Variants in RNLS observed in about 807,000 individuals in gnomAD.
RNLS encodes the protein renalase, FAD dependent amine oxidase.
In RNLS, 39 loss-of-function variants were observed where a neutral mutation model predicts 39.8. The ratio of observed to expected loss-of-function variants is 0.98; its 90% confidence interval spans 0.76 to 1.28. The LOEUF (loss-of-function observed/expected upper bound fraction) is 1.28. RNLS is among the 50% of genes most tolerant of loss of function. The probability of loss-of-function intolerance (pLI) is 0.00; values close to 1 mark genes in which losing one functional copy is unlikely to be tolerated. For missense variants in RNLS, 410 were observed against 413.3 expected (o/e 0.99, Z 0.07); for synonymous variants, 147 against 150.7 (o/e 0.98, Z 0.18).
the RNLS span, among the ~76,000 whole-genome samples, chr10:88,251,673 C>T: frequency 4.6e-5 from 7 of 152,328 alleles, no homozygotes; most frequent in South Asian, 1.2e-3. Flanking sequence ...AACACTACCA[C>T]GTGCATACAC....
At chr10:88,485,394 G>T (rs1310967677) in intron 4 of RNLS, among the ~76,000 whole-genome samples, 1 of 151,618 alleles carries the variant, frequency 6.6e-6, no homozygotes, top group Admixed American at 6.6e-5. Flanking sequence ...GGAACAACTG[G>T]ATATCCATAT....
intron 4 of RNLS, among the ~76,000 whole-genome samples, chr10:88,438,120 C>T (rs1841513463): frequency 8.9e-6 from 1 of 112,052 alleles, no homozygotes; most frequent in East Asian, 2.4e-4. Context: ...GAGTGAAACT[C>T]CTAAAAAAAA....
chr10:88,576,726 C>G (rs1253000171), intron 3 of RNLS, among the ~76,000 whole-genome samples: 1 of 151,924 alleles, frequency 6.6e-6, no homozygotes, highest in Admixed American at 6.6e-5. Flanking sequence ...AAAATAGGCA[C>G]AAAAGTAAAA....
At chr10:88,266,694 T>TACAC in the RNLS span, among the ~76,000 whole-genome samples, 6,359 of 134,102 alleles carry the variant, frequency 0.047, 234 homozygotes, top group African/African-American at 0.1. Context: ...TTCTTTTAAA[T>TACAC]ACACACACAC....
At chr10:88,573,975 T>C (rs61852499) in intron 3 of RNLS, among the ~76,000 whole-genome samples, 6,147 of 152,202 alleles carry the variant, frequency 0.04, 170 homozygotes, top group Non-Finnish European at 0.064. Flanking sequence ...ACCCCATCTC[T>C]ACTAAAAATA....
In RNLS at chr10:88,362,592, G is replaced by A. The variant is rs754019651; in HGVS notation, c.660C>T (p.Cys220=). The part of the protein sequence containing the change: ...WAGQYITSNP[C]IRFVSIDNKK... ...TATTATCAATGGAGACGAAGCGTAT[G>A]CAGGGATTACTGGTGATGTACTGCC... Residue 220 remains cysteine (C), a synonymous_variant, in exon 5 of 7, where the codon TGC becomes TGT. Coordinates refer to ENST00000331772, the MANE Select transcript of RNLS (RefSeq NM_001031709.3). The A allele has an allele frequency of 1.2e-6, 2 of 1,613,766 alleles. No homozygotes were observed. The highest frequency in any genetic ancestry group is 3.3e-5 in the Admixed American group (2 of 59,932).
chr10:88,561,534 C>T (rs1849189277), intron 4 of RNLS, among the ~76,000 whole-genome samples: 1 of 152,138 alleles, frequency 6.6e-6, no homozygotes, highest in Non-Finnish European at 1.5e-5. Context: ...ATACCTTTCT[C>T]ATATTTTATA....
chr10:88,572,801 G>T, intron 4 of RNLS, 102 bp downstream of exon 4: 3 of 1,180,520 alleles, frequency 2.5e-6, no homozygotes, highest in South Asian at 1.6e-5. Context: ...CAAATCAATA[G>T]AGTCTATCAC....
chr10:88,336,772 C>G (rs1333044142), intron 5 of RNLS, among the ~76,000 whole-genome samples: 2 of 152,194 alleles, frequency 1.3e-5, no homozygotes, highest in African/African-American at 4.8e-5. Flanking sequence ...TGGATAGAGG[C>G]TATGGGACAG....
intron 4 of RNLS, among the ~76,000 whole-genome samples, chr10:88,501,169 A>G (rs1845462278): frequency 6.6e-6 from 1 of 152,108 alleles, no homozygotes; most frequent in Non-Finnish European, 1.5e-5. Flanking sequence ...TAATCTCAAC[A>G]ATACTAATTT....
At chr10:88,494,009 T>G (rs1014599289) in intron 4 of RNLS, among the ~76,000 whole-genome samples, 2 of 152,274 alleles carry the variant, frequency 1.3e-5, no homozygotes, top group Middle Eastern at 3.4e-3. Context: ...TGTCATGATA[T>G]GCATGCCAAG....
At chr10:88,472,059 A>G (rs1843564151) in intron 4 of RNLS, among the ~76,000 whole-genome samples, 2 of 152,230 alleles carry the variant, frequency 1.3e-5, no homozygotes, top group African/African-American at 4.8e-5. Context: ...GAATATTTCA[A>G]GAGCTCAGAG....
chr10:88,230,981 T>A, the RNLS span, among the ~76,000 whole-genome samples: 1 of 152,226 alleles, frequency 6.6e-6, no homozygotes, highest in Non-Finnish European at 1.5e-5. Context: ...TGTGGAAACA[T>A]CTCCTTCCTG....
chr10:88,230,091 A>T, the RNLS span, among the ~76,000 whole-genome samples: 1 of 151,978 alleles, frequency 6.6e-6, no homozygotes, highest in Non-Finnish European at 1.5e-5. Flanking sequence ...ACAAATCAAG[A>T]CTCATTCCTC....
At chr10:88,297,308 A>T (rs1844161187) in intron 6 of RNLS, among the ~76,000 whole-genome samples, 1 of 152,164 alleles carries the variant, frequency 6.6e-6, no homozygotes, top group Non-Finnish European at 1.5e-5. Context: ...AGCATTTGTC[A>T]TCTTCAGAGT....
At chr10:88,510,135 T>G (rs1846031557) in intron 4 of RNLS, among the ~76,000 whole-genome samples, 2 of 152,154 alleles carry the variant, frequency 1.3e-5, no homozygotes, top group Non-Finnish European at 2.9e-5. Context: ...TGTGTCAAAT[T>G]TATGTTAGGC....
At chr10:88,321,243 G>C (rs2133094682) in intron 5 of RNLS, among the ~76,000 whole-genome samples, 1 of 152,184 alleles carries the variant, frequency 6.6e-6, no homozygotes, top group East Asian at 1.9e-4. Context: ...ATCAAAATAT[G>C]TTTTGAAACA....
the RNLS span, among the ~76,000 whole-genome samples, chr10:88,204,823 A>G: frequency 6.6e-6 from 1 of 152,314 alleles, no homozygotes; most frequent in East Asian, 1.9e-4. Context: ...TTCCTTCAAA[A>G]AAAATGTATT....
the RNLS span, among the ~76,000 whole-genome samples, chr10:88,256,737 T>A: frequency 3.9e-5 from 6 of 152,156 alleles, no homozygotes; most frequent in African/African-American, 1.2e-4. Context: ...GGAGCCTGCT[T>A]TGCCCCTCTG....
Sources: allele counts gnomAD v4.1 joint callset (sites outside exome capture counted in the v4.1 genomes callset), GRCh38; gene constraint gnomAD v4.1.1; transcripts MANE v1.5; gene names NCBI Gene and HGNC (gene_info 2026-07-23, HGNC 2026-07-21).